Variants in ARL17B observed in about 807,000 individuals in gnomAD.
ARL17B encodes ARF like GTPase 17B, also known as ADP-ribosylation factor-like protein 17.
intron 4 of ARL17B, among the ~76,000 whole-genome samples, chr17:46,288,305 CTTT>C (rs78255121): frequency 0.022 from 2,460 of 111,480 alleles, no homozygotes; most frequent in Middle Eastern, 0.08. Flanking sequence ...CCAGGCCCGG[CTTT>C]TTTTTTTTTT....
intron 4 of ARL17B, among the ~76,000 whole-genome samples, chr17:46,287,644 T>C (rs2049955580): frequency 6.6e-6 from 1 of 152,282 alleles, no homozygotes; most frequent in Non-Finnish European, 1.5e-5. Context: ...CTTTTTCAGT[T>C]AATATAATGT....
chr17:46,277,093 C>T (rs1354910474), intron 4 of ARL17B, among the ~76,000 whole-genome samples: 1 of 152,370 alleles, frequency 6.6e-6, no homozygotes, highest in Non-Finnish European at 1.5e-5. Flanking sequence ...GTGTGAGCCA[C>T]TGCACACAGC....
At chr17:46,289,063 T>C (rs1212542155) in intron 4 of ARL17B, among the ~76,000 whole-genome samples, 2 of 152,228 alleles carry the variant, frequency 1.3e-5, no homozygotes, top group African/African-American at 4.8e-5. Context: ...TCTGCTATCC[T>C]GTAGTACAAC....
At chr17:46,331,640 T>C, downstream of ARL17B, 1 of 797,910 alleles carries the variant, frequency 1.3e-6, no homozygotes, top group East Asian at 2.7e-5. Context: ...CACTGACCTG[T>C]CCCCCGAGCC....
chr17:46,285,189 G>A (rs1412185671), intron 4 of ARL17B, among the ~76,000 whole-genome samples: 1 of 151,252 alleles, frequency 6.6e-6, no homozygotes, highest in Non-Finnish European at 1.5e-5. Context: ...CAATACACCT[G>A]TATCACTTGC....
intron 3 of ARL17B, among the ~76,000 whole-genome samples, chr17:46,340,463 G>A (rs1301075274): frequency 3.7e-4 from 25 of 66,872 alleles, no homozygotes; most frequent in Non-Finnish European, 8.3e-4. Flanking sequence ...TAATCCACCC[G>A]CCCTGGCCTC....
downstream of ARL17B, chr17:46,274,643 A>G (rs1257419827): frequency 1.3e-5 from 2 of 152,694 alleles, no homozygotes; most frequent in African/African-American, 2.4e-5. Context: ...ATAAAAAAGC[A>G]TCTTTTTTGC....
chr17:46,330,822 T>G (rs2051891968), downstream of ARL17B: 1 of 697,188 alleles, frequency 1.4e-6, no homozygotes, highest in African/African-American at 2.1e-5. Context: ...TTCAAAGAGG[T>G]AGGAAGGCAG....
chr17:46,351,001 T>C (rs1477795358), intron 3 of ARL17B, among the ~76,000 whole-genome samples: 1 of 24,566 alleles, frequency 4.1e-5, no homozygotes, highest in East Asian at 3.9e-4. Context: ...TACTTTTTTT[T>C]TCTCTTTTTT....
At chr17:46,348,621 C>CA (rs1249905597) in intron 3 of ARL17B, among the ~76,000 whole-genome samples, 2 of 109,358 alleles carry the variant, frequency 1.8e-5, no homozygotes, top group African/African-American at 4.7e-5. Context: ...AGCTGTGGTT[C>CA]AAACCCATGT....
chr17:46,275,418 C>A lies in ARL17B; in HGVS notation c.*22G>T, dbSNP rs878982439. 209 of 959,410 alleles carry A rather than the reference C, an allele frequency of 2.2e-4. 4 individuals are homozygous for A. The South Asian group carries it at 2.7e-3, about 12-fold the overall frequency. The allele number at this position is 959,410 out of a possible 1,614,324, so 59.4% of individuals were successfully genotyped here. On this transcript the variant is annotated splice_region_variant and 3_prime_UTR_variant, in exon 5 of 5. Coordinates refer to the ARL17B transcript ENST00000570618. Reference sequence around the variant, plus strand: ...TAGACTGCAGTTTGTTGTTGTGAGACCTACAGAGTATAGAAAAAGGGAACA... The same window carrying A: ...TAGACTGCAGTTTGTTGTTGTGAGAACTACAGAGTATAGAAAAAGGGAACA...
intron 4 of ARL17B, among the ~76,000 whole-genome samples, chr17:46,278,399 T>TTG (rs1306314874): frequency 7.2e-6 from 1 of 138,730 alleles, no homozygotes; most frequent in East Asian, 2.0e-4. Context: ...TTGTTTTATT[T>TTG]TGTTTTTTTT....
At chr17:46,291,904 T>C (rs2143468382) in intron 4 of ARL17B, among the ~76,000 whole-genome samples, 1 of 146,184 alleles carries the variant, frequency 6.8e-6, no homozygotes, top group South Asian at 2.1e-4. Context: ...GAGGCTGCGA[T>C]GGGGTGTGAT....
chr17:46,353,485 ACT>A (rs1450041102), intron 2 of ARL17B, among the ~76,000 whole-genome samples: 3 of 6,038 alleles, frequency 5.0e-4, no homozygotes, highest in African/African-American at 3.5e-3. Context: ...TCTTCATCGC[ACT>A]CTCTTCCTTC....
intron 4 of ARL17B, among the ~76,000 whole-genome samples, chr17:46,279,749 C>G (rs1341464084): frequency 6.6e-6 from 1 of 152,252 alleles, no homozygotes; most frequent in Non-Finnish European, 1.5e-5. Flanking sequence ...CCTGCCTCAG[C>G]CTCTCAATGT....
chr17:46,290,564 A>G (rs1321173837), intron 4 of ARL17B, among the ~76,000 whole-genome samples: 4 of 152,136 alleles, frequency 2.6e-5, no homozygotes, highest in Non-Finnish European at 5.9e-5. Flanking sequence ...CTCCTCCCTC[A>G]GCCTCCCAGG....
At chr17:46,279,501 T>TC (rs2049698800) in intron 4 of ARL17B, among the ~76,000 whole-genome samples, 1 of 28,158 alleles carries the variant, frequency 3.6e-5, no homozygotes, top group Non-Finnish European at 1.4e-4. Context: ...TCTTTCTTTC[T>TC]TTTTTTTTTT....
chr17:46,331,023 A>C (rs757660633), downstream of ARL17B: 63 of 705,304 alleles, frequency 8.9e-5, 26 homozygotes, highest in South Asian at 2.5e-4. Flanking sequence ...TCTGTGCTGA[A>C]ACCCTTCTCC....
rs559320618 is a variant in ARL17B at position 46,282,355 on chromosome 17, G to A, written c.*22-6937C>T. 3.4e-3 allele frequency among the ~76,000 whole-genome samples: 516 copies of A among 152,052 alleles called. 7 individuals carry two copies. Among genetic ancestry groups the A allele is most frequent in the African/African-American group, 0.012 (493 of 41,448 alleles). ...CCTGACTTCGTGATCCGCCCCACTCGGCCTCCCAAAGTGCTGGGATTACAG... is the reference window on the plus strand; with the variant it reads ...CCTGACTTCGTGATCCGCCCCACTCAGCCTCCCAAAGTGCTGGGATTACAG... On this transcript the variant is annotated intron_variant, in intron 4 of 4. Coordinates refer to the ARL17B transcript ENST00000570618.
Sources: gnomAD v4.1 joint callset for allele counts (sites outside exome capture counted in the v4.1 genomes callset) on GRCh38, gnomAD v4.1.1 for gene constraint, MANE v1.5 for transcripts, NCBI Gene and HGNC (gene_info 2026-07-23, HGNC 2026-07-21) for gene names.